XIRP2: variants seen among roughly 807,000 people sequenced by gnomAD.
XIRP2 encodes the protein xin actin-binding repeat-containing protein 2.
XIRP2 carries 236 observed loss-of-function variants against 277.0 expected under a neutral mutation model. That is an observed-to-expected ratio of 0.85 (90% CI 0.77 to 0.95). The LOEUF is 0.95. XIRP2 is among the 40% of genes least tolerant of loss of function. The probability of loss-of-function intolerance (pLI) is 0.00; values close to 1 mark genes in which losing one functional copy is unlikely to be tolerated. For synonymous variants in XIRP2, 1,490 were observed against 1,416.5 expected (o/e 1.05, Z -1.17); for missense variants, 4,640 against 4,157.5 (o/e 1.12, Z -3.19).
intron 2 of XIRP2, among the ~76,000 whole-genome samples, chr2:166,927,074 C>G (rs1325087971): frequency 6.6e-6 from 1 of 152,054 alleles, no homozygotes; most frequent in Non-Finnish European, 1.5e-5. Flanking sequence ...TTTTCTGGGG[C>G]TATTTTCAAG....
At chr2:166,998,209 G>A (rs563858671) in intron 2 of XIRP2, among the ~76,000 whole-genome samples, 13 of 152,090 alleles carry the variant, frequency 8.5e-5, no homozygotes, top group Admixed American at 4.6e-4. Flanking sequence ...CACAGCACAC[G>A]TTTACCTAAG....
intron 2 of XIRP2, among the ~76,000 whole-genome samples, chr2:166,955,036 C>G (rs986996981): frequency 2.6e-5 from 4 of 151,760 alleles, no homozygotes; most frequent in Non-Finnish European, 5.9e-5. Flanking sequence ...TGTAACAAAC[C>G]TGCACATCCT....
intron 2 of XIRP2, among the ~76,000 whole-genome samples, chr2:167,130,381 A>T (rs187386335): frequency 6.6e-6 from 1 of 152,188 alleles, no homozygotes; most frequent in African/African-American, 2.4e-5. Context: ...TCTGCCTTCA[A>T]GTCCTTCCAT....
chr2:167,203,880 A>C (rs1431458088), intron 3 of XIRP2, among the ~76,000 whole-genome samples: 4 of 152,230 alleles, frequency 2.6e-5, no homozygotes, highest in Non-Finnish European at 5.9e-5. Flanking sequence ...TCCTGCACAC[A>C]AATCCAAGCT....
At chr2:166,917,792 C>T (rs1309872859) in intron 2 of XIRP2, among the ~76,000 whole-genome samples, 1 of 152,120 alleles carries the variant, frequency 6.6e-6, no homozygotes, top group Admixed American at 6.6e-5. Flanking sequence ...AGCTCTACTG[C>T]CCCTGTTAGG....
intron 2 of XIRP2, among the ~76,000 whole-genome samples, chr2:167,106,570 G>T (rs1690625082): frequency 6.6e-6 from 1 of 151,396 alleles, no homozygotes; most frequent in African/African-American, 2.4e-5. Flanking sequence ...CTGCAGTCTT[G>T]ATTACTATAG....
At chr2:167,054,897 T>A (rs940458541) in intron 2 of XIRP2, among the ~76,000 whole-genome samples, 1 of 152,230 alleles carries the variant, frequency 6.6e-6, no homozygotes, top group African/African-American at 2.4e-5. Flanking sequence ...TAGATTATTA[T>A]GAACCATGTT....
chr2:166,972,369 A>C (rs1255032561), intron 2 of XIRP2, among the ~76,000 whole-genome samples: 1 of 152,174 alleles, frequency 6.6e-6, no homozygotes, highest in Non-Finnish European at 1.5e-5. Context: ...GAATATCTTC[A>C]TAAGTGTATG....
At chr2:167,255,649 A>G (rs1007155599) in intron 10 of XIRP2, among the ~76,000 whole-genome samples, 3 of 151,798 alleles carry the variant, frequency 2.0e-5, no homozygotes, top group African/African-American at 7.2e-5. Context: ...GTTTCAGATC[A>G]TATAGCCACT....
chr2:167,254,786 G>A (rs948430459), intron 10 of XIRP2, among the ~76,000 whole-genome samples: 1 of 151,688 alleles, frequency 6.6e-6, no homozygotes, highest in Non-Finnish European at 1.5e-5. Context: ...TTTTTCTCTG[G>A]AGCAAACAGA....
intron 1 of XIRP2, among the ~76,000 whole-genome samples, chr2:166,893,374 T>A (rs538781276): frequency 1.3e-5 from 2 of 152,252 alleles, no homozygotes; most frequent in South Asian, 2.1e-4. Flanking sequence ...TTTGCATTTT[T>A]AAAAAATACT....
chr2:167,104,788 T>C (rs1470117748), intron 2 of XIRP2, among the ~76,000 whole-genome samples: 1 of 152,074 alleles, frequency 6.6e-6, no homozygotes, highest in African/African-American at 2.4e-5. Context: ...CCCATAACTA[T>C]AGTCATGATG....
At chr2:166,913,029 C>G (rs1388494783) in intron 2 of XIRP2, among the ~76,000 whole-genome samples, 11 of 152,148 alleles carry the variant, frequency 7.2e-5, no homozygotes. Context: ...AGGATGCCTC[C>G]CAGTCAGGCT....
chr2:167,167,251 A>C (rs74171206), intron 3 of XIRP2, among the ~76,000 whole-genome samples: 2 of 152,154 alleles, frequency 1.3e-5, no homozygotes, highest in Non-Finnish European at 2.9e-5. Context: ...TCTTGTAGAT[A>C]ACATATAGTC....
intron 5 of XIRP2, among the ~76,000 whole-genome samples, chr2:167,223,336 C>G (rs1694488433): frequency 6.6e-6 from 1 of 152,122 alleles, no homozygotes; most frequent in South Asian, 2.1e-4. Context: ...GAATCTATAT[C>G]AAGAAGAAAA....
intron 2 of XIRP2, among the ~76,000 whole-genome samples, chr2:166,984,734 C>A (rs1331205596): frequency 1.3e-5 from 2 of 151,968 alleles, no homozygotes; most frequent in Non-Finnish European, 2.9e-5. Context: ...ACACTGATAT[C>A]AAAAATGAAT....
In XIRP2 at chr2:166,979,945, G is replaced by C. The variant is rs143851483; in HGVS notation, c.408+76055G>C. Among the ~76,000 whole-genome samples, 427 of 152,140 alleles carry C rather than the reference G, an allele frequency of 2.8e-3. 4 individuals carry two copies. Among genetic ancestry groups the C allele is most frequent in the African/African-American group, 9.7e-3 (404 of 41,512 alleles). Reference sequence around the variant, plus strand: ...CTCTGGAAGAGTTGGTTTGAATTGAGATTATGTAATCCTAAATTTTTTTCA... The same window carrying C: ...CTCTGGAAGAGTTGGTTTGAATTGACATTATGTAATCCTAAATTTTTTTCA... On this transcript the variant is annotated intron_variant, in intron 2 of 10. Coordinates refer to ENST00000409195, the MANE Select transcript of XIRP2 (RefSeq NM_152381.6).
At chr2:167,061,428 C>T (rs1177131726) in intron 2 of XIRP2, among the ~76,000 whole-genome samples, 3 of 151,620 alleles carry the variant, frequency 2.0e-5, no homozygotes, top group East Asian at 1.9e-4. Context: ...CCTTTTTTTC[C>T]GCATCTTAGA....
In XIRP2 at chr2:167,214,134, G is replaced by GAAGGAAGCAAGC. The variant is rs376588444; in HGVS notation, c.723+3242_723+3243insGAAGCAAGCAAG. ...GGAAGGAAGGAAGGAAGGAAGGAAG[G>GAAGGAAGCAAGC]AAGCAAAGAGAAAGAGAAAGAAGGA... On this transcript the variant is annotated intron_variant, in intron 4 of 10. Coordinates refer to ENST00000409195, the MANE Select transcript of XIRP2 (RefSeq NM_152381.6). 8.5e-3 allele frequency among the ~76,000 whole-genome samples: 952 copies of GAAGGAAGCAAGC among 112,094 alleles called. 50 individuals are homozygous for GAAGGAAGCAAGC. Among genetic ancestry groups the GAAGGAAGCAAGC allele is most frequent in the East Asian group, 0.021 (76 of 3,674 alleles). 73.5% of individuals were successfully genotyped at this position (112,094 alleles called of 152,430 possible). A position where few individuals can be genotyped will look rare whatever the true frequency, so the allele number is the denominator to read the frequency against.
Sources: allele counts gnomAD v4.1 joint callset (sites outside exome capture counted in the v4.1 genomes callset), GRCh38; gene constraint gnomAD v4.1.1; transcripts MANE v1.5; gene names NCBI Gene and HGNC (gene_info 2026-07-23, HGNC 2026-07-21).